The following DNER variants were observed in gnomAD, a reference collection of about 807,000 sequenced individuals.
DNER encodes the protein delta/notch like EGF repeat containing, also known as delta and Notch-like epidermal growth factor-related receptor.
DNER carries 33 observed loss-of-function variants against 78.2 expected under a neutral mutation model. The observed-to-expected ratio is 0.42, with a 90% CI of 0.32 to 0.56. The LOEUF is 0.56. DNER is among the 20% of genes least tolerant of loss of function. The probability of loss-of-function intolerance (pLI) is 0.11; values close to 1 mark genes in which losing one functional copy is unlikely to be tolerated. For synonymous variants in DNER, 417 were observed against 384.8 expected (o/e 1.08, Z -0.98); for missense variants, 918 against 975.3 (o/e 0.94, Z 0.78).
At chr2:229,496,222 T>A (rs1485707115) in intron 6 of DNER, among the ~76,000 whole-genome samples, 1 of 152,198 alleles carries the variant, frequency 6.6e-6, no homozygotes, top group Admixed American at 6.5e-5. Flanking sequence ...GAAAGTATTG[T>A]GAGAAAGTTT....
At chr2:229,654,566 G>A (rs1294190584) in intron 1 of DNER, among the ~76,000 whole-genome samples, 1 of 152,126 alleles carries the variant, frequency 6.6e-6, no homozygotes. Context: ...GTTATGTTTT[G>A]TCTGCCTTGT....
intron 1 of DNER, among the ~76,000 whole-genome samples, chr2:229,636,562 G>A (rs528040058): frequency 2.6e-5 from 4 of 152,204 alleles, no homozygotes; most frequent in Admixed American, 6.5e-5. Context: ...GTCCAAAAGC[G>A]TAGCTCACTA....
intron 11 of DNER, among the ~76,000 whole-genome samples, chr2:229,372,452 G>A (rs1482849081): frequency 6.6e-6 from 1 of 152,218 alleles, no homozygotes; most frequent in Non-Finnish European, 1.5e-5. Context: ...AGTGAGCACA[G>A]GCCTGTGGGA....
At chr2:229,673,466 T>C (rs1340722507) in intron 1 of DNER, among the ~76,000 whole-genome samples, 1 of 152,232 alleles carries the variant, frequency 6.6e-6, no homozygotes, top group Non-Finnish European at 1.5e-5. Context: ...TCATATGGCA[T>C]ATACCTTGTT....
At chr2:229,513,202 G>T (rs988999021) in intron 5 of DNER, among the ~76,000 whole-genome samples, 1 of 152,256 alleles carries the variant, frequency 6.6e-6, no homozygotes, top group Middle Eastern at 3.4e-3. Flanking sequence ...AAATGAACTT[G>T]TTTTAAGCTA....
chr2:229,654,545 C>T (rs755754771), intron 1 of DNER, among the ~76,000 whole-genome samples: 8 of 151,988 alleles, frequency 5.3e-5, no homozygotes, highest in Admixed American at 1.3e-4. Flanking sequence ...GTTTGAAATC[C>T]CATCCCAGAG....
At chr2:229,588,541 A>G (rs773063088) in intron 2 of DNER, 53 bp from the exon 3 acceptor site, 15 of 1,520,978 alleles carry the variant, frequency 9.9e-6, no homozygotes, top group Non-Finnish European at 1.4e-5. Context: ...ATAGTATAAC[A>G]TAATGTGATA....
At chr2:229,416,744 A>C (rs1309128659) in intron 9 of DNER, among the ~76,000 whole-genome samples, 1 of 152,180 alleles carries the variant, frequency 6.6e-6, no homozygotes, top group African/African-American at 2.4e-5. Context: ...AAAGGCTCCC[A>C]GCACACATAC....
chr2:229,386,625 G>A (rs1362450446), intron 11 of DNER, among the ~76,000 whole-genome samples: 200 of 136,314 alleles, frequency 1.5e-3, no homozygotes, highest in African/African-American at 5.9e-3. Flanking sequence ...AAATTTACAA[G>A]AAAAAAAAAA....
chr2:229,496,263 A>T (rs533185410), intron 6 of DNER, among the ~76,000 whole-genome samples: 3 of 152,332 alleles, frequency 2.0e-5, no homozygotes, highest in Non-Finnish European at 4.4e-5. Context: ...CTTCATTAAA[A>T]TTTTCTGCTC....
chr2:229,463,115 A>G (rs754906270), intron 7 of DNER, among the ~76,000 whole-genome samples: 2 of 152,010 alleles, frequency 1.3e-5, no homozygotes, highest in Non-Finnish European at 2.9e-5. Flanking sequence ...CCTGTTTCCC[A>G]CCCAGAATAA....
chr2:229,681,979 T>G (rs1202211599), intron 1 of DNER, among the ~76,000 whole-genome samples: 3 of 152,208 alleles, frequency 2.0e-5, no homozygotes, highest in Admixed American at 1.3e-4. Flanking sequence ...CCAGATCCTC[T>G]GCACGTATTT....
intron 6 of DNER, among the ~76,000 whole-genome samples, chr2:229,505,628 C>A (rs1695723245): frequency 6.6e-6 from 1 of 152,130 alleles, no homozygotes; most frequent in Admixed American, 6.5e-5. Flanking sequence ...TAAATTGCTA[C>A]TATGGTTCTA....
chr2:229,659,848 C>T (rs1023097868), intron 1 of DNER, among the ~76,000 whole-genome samples: 3 of 152,208 alleles, frequency 2.0e-5, no homozygotes, highest in South Asian at 2.1e-4. Flanking sequence ...AGCACGCTGG[C>T]GGCTGCAGTT....
intron 5 of DNER, among the ~76,000 whole-genome samples, chr2:229,539,048 C>T (rs56390929): frequency 6.6e-6 from 1 of 152,172 alleles, no homozygotes. Context: ...TACAAAGTAA[C>T]TGTATGTTCT....
At chr2:229,405,797 A>G (rs1693366312) in intron 10 of DNER, among the ~76,000 whole-genome samples, 1 of 152,006 alleles carries the variant, frequency 6.6e-6, no homozygotes, top group Non-Finnish European at 1.5e-5. Flanking sequence ...TAGCAGATCA[A>G]TTTTCAGTGG....
intron 6 of DNER, among the ~76,000 whole-genome samples, chr2:229,505,874 C>T (rs912306107): frequency 6.6e-6 from 1 of 152,198 alleles, no homozygotes; most frequent in Non-Finnish European, 1.5e-5. Flanking sequence ...TGGGAGCTTT[C>T]AATCTGCAAT....
intron 1 of DNER, among the ~76,000 whole-genome samples, chr2:229,702,544 A>G (rs1233867726): frequency 6.6e-6 from 1 of 151,720 alleles, no homozygotes; most frequent in East Asian, 1.9e-4. Flanking sequence ...ACCGAAAATA[A>G]TAATGATGAT....
At chr2:229,510,156 A>G (rs1695835350) in intron 6 of DNER, among the ~76,000 whole-genome samples, 1 of 152,222 alleles carries the variant, frequency 6.6e-6, no homozygotes. Flanking sequence ...GGCTGAAACC[A>G]GGGCAAGGGA....
Sources: allele counts gnomAD v4.1 joint callset (sites outside exome capture counted in the v4.1 genomes callset), GRCh38; gene constraint gnomAD v4.1.1; transcripts MANE v1.5; gene names NCBI Gene and HGNC (gene_info 2026-07-23, HGNC 2026-07-21).